The following UNC13C variants were observed in gnomAD, a reference collection of about 807,000 sequenced individuals.
UNC13C encodes protein unc-13 homolog C.
In UNC13C, 174 loss-of-function variants were observed where a neutral mutation model predicts 245.4. The ratio of observed to expected loss-of-function variants is 0.71; its 90% CI spans 0.63 to 0.80. The LOEUF is 0.80. Ranked by LOEUF, UNC13C falls within the 30% of genes least tolerant of loss-of-function variation. The pLI, the probability that UNC13C is intolerant of heterozygous loss-of-function variation, is 0.00. For missense variants in UNC13C, 2,829 were observed against 2,602.9 expected (o/e 1.09, Z -1.89); for synonymous variants, 992 against 895.1 (o/e 1.11, Z -1.93).
chr15:54,046,680 T>TA (rs1229693728), intron 2 of UNC13C, among the ~76,000 whole-genome samples: 1 of 151,888 alleles, frequency 6.6e-6, no homozygotes, highest in Non-Finnish European at 1.5e-5. Flanking sequence ...GTAAAATATA[T>TA]ATAACAAAAC....
chr15:54,216,189 A>T (rs1280369782), intron 4 of UNC13C, among the ~76,000 whole-genome samples: 2 of 151,952 alleles, frequency 1.3e-5, no homozygotes. Context: ...GAAAGCCTGG[A>T]GCCCCGATTA....
At chr15:54,068,620 G>A (rs1898178827) in intron 2 of UNC13C, among the ~76,000 whole-genome samples, 1 of 152,136 alleles carries the variant, frequency 6.6e-6, no homozygotes, top group Non-Finnish European at 1.5e-5. Flanking sequence ...AGGAGAATGT[G>A]TTGATTGTCT....
At chr15:54,407,154 G>A (rs943898124) in intron 18 of UNC13C, among the ~76,000 whole-genome samples, 5 of 152,200 alleles carry the variant, frequency 3.3e-5, no homozygotes, top group African/African-American at 1.2e-4. Context: ...ATGATGGCCT[G>A]TGTTTTTAAA....
intron 17 of UNC13C, among the ~76,000 whole-genome samples, chr15:54,356,614 C>T (rs2140854554): frequency 6.6e-6 from 1 of 152,266 alleles, no homozygotes; most frequent in East Asian, 1.9e-4. Context: ...AAGCAGCTTT[C>T]AGCCTCTTTC....
chr15:54,041,053 A>G (rs1454800646), intron 2 of UNC13C, among the ~76,000 whole-genome samples: 1 of 152,208 alleles, frequency 6.6e-6, no homozygotes, highest in Non-Finnish European at 1.5e-5. Context: ...ACCTGCTTCC[A>G]TGGAAAGTTA....
intron 1 of UNC13C, among the ~76,000 whole-genome samples, chr15:53,982,793 G>T (rs74016047): frequency 6.6e-6 from 1 of 152,076 alleles, no homozygotes; most frequent in South Asian, 2.1e-4. Context: ...TGTTGGACTG[G>T]TTAGATGTTC....
intron 26 of UNC13C, among the ~76,000 whole-genome samples, chr15:54,542,166 C>A (rs540738123): frequency 9.2e-5 from 14 of 152,022 alleles, no homozygotes; most frequent in Non-Finnish European, 1.5e-4. Flanking sequence ...GGATCATTTG[C>A]CTTTAAAGAT....
intron 19 of UNC13C, among the ~76,000 whole-genome samples, chr15:54,462,333 G>T (rs918520957): frequency 6.6e-6 from 1 of 152,214 alleles, no homozygotes; most frequent in Non-Finnish European, 1.5e-5. Flanking sequence ...TGCCTCCTTC[G>T]CCTAAGCGTC....
chr15:54,490,068 GA>G (rs893774801), intron 19 of UNC13C, among the ~76,000 whole-genome samples: 7 of 152,062 alleles, frequency 4.6e-5, no homozygotes, highest in Non-Finnish European at 7.4e-5. Context: ...GTGCATGAGA[GA>G]AATATAGCAT....
At position 54,591,748 on chromosome 15, in the gene UNC13C, C is replaced by G. The variant is rs562116941; in HGVS notation, c.6106+23801C>G. 1.3e-4 allele frequency among the ~76,000 whole-genome samples: 19 copies of G among 151,738 alleles called. No individual in the cohort carries two copies. The South Asian group carries it at 3.8e-3, about 30-fold the overall frequency. On this transcript the variant is annotated intron_variant, in intron 30 of 32. Coordinates refer to ENST00000260323, the MANE Select transcript of UNC13C (RefSeq NM_001080534.3). ...TTTCCAAATAACCAGCTTTTTTTTT[C>G]ATTTATCTTTTGTATTTTTGTTTGT...
intron 24 of UNC13C, among the ~76,000 whole-genome samples, chr15:54,522,924 C>T (rs1245003137): frequency 6.6e-6 from 1 of 152,068 alleles, no homozygotes; most frequent in African/African-American, 2.4e-5. Flanking sequence ...TTGCTTTTAA[C>T]AATAACTCTA....
chr15:54,592,058 T>C (rs377376065), intron 30 of UNC13C, among the ~76,000 whole-genome samples: 3 of 152,208 alleles, frequency 2.0e-5, no homozygotes, highest in African/African-American at 7.2e-5. Context: ...TTTGACCCAA[T>C]GCTCATTCAG....
At chr15:54,482,614 A>AATTCCACTGTTCTCTCCCGGATGCTGT (rs1555472234) in intron 19 of UNC13C, among the ~76,000 whole-genome samples, 23 of 149,770 alleles carry the variant, frequency 1.5e-4, no homozygotes, top group African/African-American at 5.7e-4. Flanking sequence ...TTCCCTGCTG[A>AATTCCACTGTTCTCTCCCGGATGCTGT]ATTCCACTGT....
At chr15:54,242,649 C>G (rs1301540664) in intron 7 of UNC13C, among the ~76,000 whole-genome samples, 1 of 151,956 alleles carries the variant, frequency 6.6e-6, no homozygotes, top group East Asian at 1.9e-4. Context: ...CACTCTGAAA[C>G]TACTTTTCTA....
chr15:54,299,881 A>G (rs912070893), intron 12 of UNC13C, among the ~76,000 whole-genome samples: 1 of 152,120 alleles, frequency 6.6e-6, no homozygotes, highest in African/African-American at 2.4e-5. Context: ...TTGCTGAGGA[A>G]ACTAAAGCCT....
At chr15:53,853,181 C>A in the UNC13C span, among the ~76,000 whole-genome samples, 1 of 152,194 alleles carries the variant, frequency 6.6e-6, no homozygotes, top group East Asian at 1.9e-4. Flanking sequence ...CCCCTCACCC[C>A]CAACTGCAAT....
At chr15:54,210,209 A>T (rs935553203) in intron 4 of UNC13C, among the ~76,000 whole-genome samples, 1 of 138,976 alleles carries the variant, frequency 7.2e-6, no homozygotes, top group East Asian at 2.1e-4. Flanking sequence ...CTATATATAA[A>T]ATATATATAT....
At chr15:54,326,580 A>G (rs2038302932) in intron 14 of UNC13C, among the ~76,000 whole-genome samples, 1 of 152,022 alleles carries the variant, frequency 6.6e-6, no homozygotes, top group Non-Finnish European at 1.5e-5. Context: ...ATTTGCCATT[A>G]GCTCTAGTTT....
chr15:54,387,296 T>A (rs2039859659), intron 17 of UNC13C, among the ~76,000 whole-genome samples: 1 of 152,070 alleles, frequency 6.6e-6, no homozygotes, highest in African/African-American at 2.4e-5. Context: ...AATTATATGG[T>A]AAATAATTTT....
Sources: gnomAD v4.1 joint callset for allele counts (sites outside exome capture counted in the v4.1 genomes callset) on GRCh38, gnomAD v4.1.1 for gene constraint, MANE v1.5 for transcripts, NCBI Gene and HGNC (gene_info 2026-07-23, HGNC 2026-07-21) for gene names.